The following ACSL6 variants were observed in gnomAD, a reference collection of about 807,000 sequenced individuals.
ACSL6 encodes acyl-CoA synthetase long chain family member 6, also known as long-chain-fatty-acid--CoA ligase 6.
In ACSL6, 47 loss-of-function variants were observed where a neutral mutation model predicts 98.2. The observed-to-expected ratio is 0.48, with a 90% CI of 0.38 to 0.61. ACSL6 has a LOEUF of 0.61. Ranked by LOEUF, ACSL6 falls within the 20% of genes least tolerant of loss-of-function variation. The probability of loss-of-function intolerance (pLI) is 0.00; values close to 1 mark genes in which losing one functional copy is unlikely to be tolerated. For synonymous variants in ACSL6, 362 were observed against 336.9 expected, an observed-to-expected ratio of 1.07 and a Z score of -0.82; for missense variants, 761 against 913.4, an observed-to-expected ratio of 0.83 and a Z score of 2.15.
In ACSL6 at chr5:131,990,951, C is replaced by T. The variant is rs372021457; in HGVS notation, c.287G>A (p.Arg96Gln). 9.9e-6 allele frequency: 16 copies of T among 1,610,056 alleles called. No individual in the cohort carries two copies. The highest frequency in any genetic ancestry group is 2.2e-5 in the East Asian group (1 of 44,808). The change falls in exon 3 of 21, where the codon CGG becomes CAG. Residue 96 changes from arginine to glutamine, a missense_variant. By Grantham distance (43) the Arg-to-Gln change is conservative. Coordinates refer to ENST00000651883, the MANE Select transcript of ACSL6 (RefSeq NM_001009185.3). ...SEEVEDSGGA[R>Q]RSVIGSGPQL... ...AGGGCCAGACCCAATCACAGATCGCCGTGCCCCGCCACTGTCCTACAAGCC... is the reference window on the plus strand; with the variant it reads ...AGGGCCAGACCCAATCACAGATCGCTGTGCCCCGCCACTGTCCTACAAGCC...
chr5:131,951,290 A>T lies in ACSL6; in HGVS notation c.*2944T>A, dbSNP rs2149666787. ...TACATCACCTTTTTCTATCTCTGTT[A>T]ATGAGAAATACAGATTTTTTTCTCC... is the stretch of plus-strand genomic sequence containing the variant. On this transcript the variant is annotated 3_prime_UTR_variant, in exon 21 of 21. Transcript: ENST00000651883. The T allele has an allele frequency of 4.8e-6, 1 of 207,736 alleles. No individual in the cohort carries two copies. Among genetic ancestry groups the T allele is most frequent in the Non-Finnish European group, 9.8e-6 (1 of 101,970 alleles). 12.9% of individuals were successfully genotyped at this position (207,736 alleles called of 1,614,324 possible).
rs74326635 is a variant in ACSL6, at chr5:132,006,126, A to G, written c.49+5379T>C. Among the ~76,000 whole-genome samples the G allele has an allele frequency of 4.3e-3, 661 of 152,234 alleles. 9 individuals are homozygous for G. Among genetic ancestry groups the G allele is most frequent in the African/African-American group, 0.015 (630 of 41,562 alleles). ...CAACTCCCCCAGACGCCCCTACTAC[A>G]TGCCTGGCTTAGGTGCAGGGAGAGG... On this transcript the variant is annotated intron_variant, in intron 1 of 20. Transcript: ENST00000651883.
chr5:132,011,776 C>G (rs1755752317), upstream of ACSL6: 2 of 1,361,160 alleles, frequency 1.5e-6, no homozygotes, highest in Non-Finnish European at 1.9e-6. This position sits in a 1 kb window ranked among gnomAD's most constrained non-coding sequence, Gnocchi z 5.4. Flanking sequence ...TTACTCCCTG[C>G]CCTGCAGCCT....
rs530852216 is a variant in ACSL6 at position 131,951,318 on chromosome 5, C to A, written c.*2916G>T. ...GAGAAATACAGATTTTTTTCTCCTC[C>A]AGAATAAAGTTGGGAAATCTGAAGC... On this transcript the variant is annotated 3_prime_UTR_variant, in exon 21 of 21. Coordinates refer to ENST00000651883, the MANE Select transcript of ACSL6 (RefSeq NM_001009185.3). The A allele has an allele frequency of 1.5e-5, 3 of 203,724 alleles. No individual in the cohort carries two copies. The Admixed American group carries it at 1.8e-4, about 12-fold the overall frequency. 12.6% of individuals were successfully genotyped at this position (203,724 alleles called of 1,614,324 possible).
rs1229018346 is a variant in ACSL6, at chr5:131,960,506, C to T, written c.1959+14G>A. 2.5e-6 allele frequency: 4 copies of T among 1,607,710 alleles called. No individual in the cohort carries two copies. Among genetic ancestry groups the T allele is most frequent in the African/African-American group, 1.3e-5 (1 of 74,640 alleles). On this transcript the variant is annotated intron_variant, in intron 19 of 20. Transcript: ENST00000651883. The stretch of plus-strand genomic sequence containing the variant: ...ATTCAGTAACCTTTCAGGAGACAGC[C>T]CCAAGATACCAACCTTATTTGTGCA...
chr5:131,975,861 G>A (rs1401909098), intron 10 of ACSL6: 3 of 985,472 alleles, frequency 3.0e-6, no homozygotes, highest in Non-Finnish European at 1.2e-6. Flanking sequence ...GGCCAGCTTG[G>A]GCAAACCTTG....
Position 131,990,757 on chromosome 5 carries a change from G to T in ACSL6, c.385+96C>A. The T allele has an allele frequency of 2.6e-6, 3 of 1,132,560 alleles. No individual in the cohort carries two copies. In the South Asian group the frequency reaches 4.1e-5, roughly 16 times the overall value. 70.2% of individuals were successfully genotyped at this position (1,132,560 alleles called of 1,614,324 possible). On this transcript the variant is annotated intron_variant, in intron 3 of 20. Coordinates refer to ENST00000651883, the MANE Select transcript of ACSL6 (RefSeq NM_001009185.3). ...CACTGAACCTGGGGATAGCTCACCT[G>T]CCATGGCCCTGGTATCATGCTTGCA... is the stretch of plus-strand genomic sequence containing the variant.
chr5:131,997,155 T>C (rs930844199), intron 1 of ACSL6, among the ~76,000 whole-genome samples: 5 of 152,186 alleles, frequency 3.3e-5, no homozygotes, highest in Admixed American at 3.3e-4. Flanking sequence ...TGGTCCTCAG[T>C]GGGAGGAAGA....
chr5:131,980,370 C>A (rs1243277219), intron 9 of ACSL6, among the ~76,000 whole-genome samples: 5 of 152,212 alleles, frequency 3.3e-5, no homozygotes, highest in Non-Finnish European at 7.3e-5. Context: ...TAGCCAAGTA[C>A]TCAACACCCA....
chr5:131,950,577 C>CT lies in ACSL6; in HGVS notation c.*3656dup, dbSNP rs1230208151. ...CCAATTTTATATACGGTTATTCATT[C>CT]TTTTTTTCCTGAGATATTAAGCACA... On this transcript the variant is annotated 3_prime_UTR_variant, in exon 21 of 21. Coordinates refer to ENST00000651883, the MANE Select transcript of ACSL6 (RefSeq NM_001009185.3). The CT allele has an allele frequency of 1.0e-5, 2 of 196,104 alleles. No individual in the cohort carries two copies. The highest frequency in any genetic ancestry group is 2.3e-5 in the African/African-American group (1 of 43,294). The allele number at this position is 196,104 out of a possible 1,614,324, so 12.1% of individuals were successfully genotyped here.
chr5:131,989,036 T>C (rs907945704), intron 5 of ACSL6, 132 bp from the exon 6 acceptor site: 7 of 749,170 alleles, frequency 9.3e-6, no homozygotes, highest in Admixed American at 6.8e-5. Context: ...GGTTAATGGG[T>C]TGTGTCTGCT....
At chr5:131,975,092 A>AT in intron 10 of ACSL6, 122 bp from the exon 11 acceptor site, 2 of 1,294,974 alleles carry the variant, frequency 1.5e-6, no homozygotes, top group South Asian at 2.8e-5. Context: ...GGGGAGGGGA[A>AT]TGGGAGTGGT....
chr5:131,954,451 C>T (rs1458593659), intron 20 of ACSL6, 80 bp from the exon 21 acceptor site: 2 of 1,365,596 alleles, frequency 1.5e-6, no homozygotes, highest in African/African-American at 1.5e-5. Flanking sequence ...AGCAAACAGG[C>T]ACATGAGAGT....
chr5:131,983,082 T>G (rs1216363787), intron 9 of ACSL6: 1 of 152,254 alleles, frequency 6.6e-6, no homozygotes, highest in Non-Finnish European at 1.5e-5. Flanking sequence ...TTTTCTTTGC[T>G]GGGAAGACAA....
At chr5:131,981,774 G>A (rs1753906068) in intron 9 of ACSL6, 1 of 152,276 alleles carries the variant, frequency 6.6e-6, no homozygotes, top group African/African-American at 2.4e-5. Flanking sequence ...GTGCACACAT[G>A]CTTGTACTGA....
At chr5:131,973,160 G>T in intron 12 of ACSL6, 106 bp downstream of exon 12, 1 of 1,428,212 alleles carries the variant, frequency 7.0e-7, no homozygotes, top group Non-Finnish European at 9.5e-7. Context: ...CAAGTTCCAG[G>T]ACTTGGCAGT....
At chr5:132,000,722 C>T (rs1163877423) in intron 1 of ACSL6, among the ~76,000 whole-genome samples, 1 of 152,204 alleles carries the variant, frequency 6.6e-6, no homozygotes, top group African/African-American at 2.4e-5. Flanking sequence ...CAGGCCCTAC[C>T]CACATCAGGT....
intron 12 of ACSL6, 109 bp from the exon 13 acceptor site, chr5:131,972,967 T>C: frequency 1.3e-6 from 2 of 1,506,002 alleles, no homozygotes; most frequent in Non-Finnish European, 1.8e-6. Context: ...ATGTTCCATT[T>C]TGCCCCTGCA....
At chr5:131,969,607 A>G (rs1225634433) in intron 15 of ACSL6, among the ~76,000 whole-genome samples, 2 of 152,228 alleles carry the variant, frequency 1.3e-5, no homozygotes, top group Non-Finnish European at 2.9e-5. Flanking sequence ...TCTAGATACT[A>G]CATGGCCTTG....
Sources: gnomAD v4.1 joint callset for allele counts (sites outside exome capture counted in the v4.1 genomes callset) on GRCh38, gnomAD v4.1.1 for gene constraint, Gnocchi (gnomAD v3.1) non-coding constraint, MANE v1.5 for transcripts, NCBI Gene and HGNC (gene_info 2026-07-23, HGNC 2026-07-21) for gene names.